TNS3: variants seen among roughly 807,000 people sequenced by gnomAD.
TNS3 encodes the protein tensin-3.
TNS3 carries 45 observed loss-of-function variants against 140.9 expected under a neutral mutation model. The observed-to-expected ratio is 0.32, with a 90% CI of 0.25 to 0.41. The LOEUF is 0.41. Among genes scored for constraint, TNS3 ranks in the 10% least tolerant of loss-of-function variants. The pLI, the probability that TNS3 is intolerant of heterozygous loss-of-function variation, is 1.00. For missense variants in TNS3, 1,716 were observed against 1,906.7 expected, an observed-to-expected ratio of 0.90 and a Z score of 1.86; for synonymous variants, 815 against 788.4, an observed-to-expected ratio of 1.03 and a Z score of -0.56.
intron 1 of TNS3, among the ~76,000 whole-genome samples, chr7:47,544,735 C>G (rs1331039310): frequency 1.3e-5 from 2 of 152,042 alleles, no homozygotes; most frequent in Non-Finnish European, 2.9e-5. Flanking sequence ...GTCCCAGGAC[C>G]CAGGCACGGA....
intron 20 of TNS3, among the ~76,000 whole-genome samples, chr7:47,321,249 T>C (rs1179225223): frequency 2.0e-5 from 3 of 152,256 alleles, no homozygotes; most frequent in Non-Finnish European, 4.4e-5. Context: ...GCCTAATGGG[T>C]AGGCTACTCA....
chr7:47,335,667 C>A (rs183692292), intron 20 of TNS3, among the ~76,000 whole-genome samples: 1 of 152,130 alleles, frequency 6.6e-6, no homozygotes, highest in Admixed American at 6.5e-5. Flanking sequence ...CTCAGGGAAC[C>A]GCCCTTCATA....
At chr7:47,483,036 A>C (rs1322612331) in intron 3 of TNS3, among the ~76,000 whole-genome samples, 3 of 152,222 alleles carry the variant, frequency 2.0e-5, no homozygotes, top group East Asian at 3.8e-4. Flanking sequence ...AGAATGTACA[A>C]CACCAGGAGA....
intron 16 of TNS3, among the ~76,000 whole-genome samples, chr7:47,370,637 A>T (rs1263144421): frequency 2.6e-5 from 4 of 152,230 alleles, no homozygotes; most frequent in African/African-American, 9.6e-5. Flanking sequence ...CCTTACCAAG[A>T]GCCTCCTAAA....
intron 17 of TNS3, among the ~76,000 whole-genome samples, chr7:47,346,659 G>A (rs770695363): frequency 3.3e-5 from 5 of 152,174 alleles, no homozygotes; most frequent in Non-Finnish European, 4.4e-5. Flanking sequence ...TCAGTGCTGG[G>A]AAAGGACAGT....
At chr7:47,413,355 G>A (rs1347167780) in intron 12 of TNS3, among the ~76,000 whole-genome samples, 1 of 145,360 alleles carries the variant, frequency 6.9e-6, no homozygotes, top group Non-Finnish European at 1.5e-5. Context: ...AGGTTCAAGT[G>A]AATTCTCCTG....
rs1784846648 is a variant in TNS3 at position 47,275,820 on chromosome 7, C to T, written c.*2256G>A. The T allele has an allele frequency of 2.2e-6, 1 of 455,902 alleles. No individual in the cohort carries two copies. The highest frequency in any genetic ancestry group is 2.0e-5 in the African/African-American group (1 of 50,066). The allele number at this position is 455,902 out of a possible 1,614,324, so 28.2% of individuals were successfully genotyped here. ...CCAATGAGTTCAAAAAGCACGTTTG[C>T]AGGGCTTCCTGAATGCCGTCGAGGC... On this transcript the variant is annotated 3_prime_UTR_variant, in exon 31 of 31. Coordinates refer to ENST00000311160, the MANE Select transcript of TNS3 (RefSeq NM_022748.12).
chr7:47,338,887 T>C (rs1023439000), intron 20 of TNS3, among the ~76,000 whole-genome samples: 1 of 152,244 alleles, frequency 6.6e-6, no homozygotes, highest in Non-Finnish European at 1.5e-5. Context: ...CAAATGGCAG[T>C]TCTGTTTTCA....
rs535598240 is a variant in TNS3, at chr7:47,346,411, C to T, written c.2282-55G>A. 2.5e-5 allele frequency: 40 copies of T among 1,595,570 alleles called. No individual in the cohort carries two copies. The East Asian group carries it at 2.7e-4, about 11-fold the overall frequency. On this transcript the variant is annotated intron_variant, in intron 17 of 30. Transcript: ENST00000311160. The stretch of plus-strand genomic sequence containing the variant: ...GGCGCTTCCTCAAGGCGGAGTGAGG[C>T]GCCCCTTCCTTAAATCTTGCCTGCT...
Position 47,400,352 on chromosome 7 carries a change from G to A in TNS3, c.919+41C>T. On this transcript the variant is annotated intron_variant, in intron 15 of 30. Transcript: ENST00000311160. ...CGTAGCCATCATGCACCTTTCACCAGTGTCAGCAAGGACCACCCAGTATTC... is the reference window on the plus strand; with the variant it reads ...CGTAGCCATCATGCACCTTTCACCAATGTCAGCAAGGACCACCCAGTATTC... 5 of 1,568,916 alleles carry A rather than the reference G, an allele frequency of 3.2e-6. No individual in the cohort carries two copies. The African/African-American group carries it at 6.7e-5, about 21-fold the overall frequency.
intron 4 of TNS3, among the ~76,000 whole-genome samples, chr7:47,461,021 T>C (rs937496698): frequency 1.3e-5 from 2 of 152,188 alleles, no homozygotes; most frequent in Non-Finnish European, 2.9e-5. Context: ...TCAAAATTTA[T>C]TTTCCAGCTG....
At chr7:47,285,594 T>C (rs1362581660) in intron 27 of TNS3, among the ~76,000 whole-genome samples, 1 of 152,206 alleles carries the variant, frequency 6.6e-6, no homozygotes. Flanking sequence ...TTCTTCTTTA[T>C]AAATTACCCA....
chr7:47,444,565 G>A (rs900135667), intron 4 of TNS3, among the ~76,000 whole-genome samples: 6 of 152,130 alleles, frequency 3.9e-5, no homozygotes, highest in Admixed American at 1.3e-4. Flanking sequence ...GGGCCCTGAC[G>A]GCAGGAGGGA....
chr7:47,322,601 T>C (rs1373106099), intron 20 of TNS3, among the ~76,000 whole-genome samples: 1 of 151,636 alleles, frequency 6.6e-6, no homozygotes, highest in African/African-American at 2.4e-5. Context: ...AAACATACCC[T>C]AGGAATGGAA....
chr7:47,513,350 G>A (rs1336997717), intron 2 of TNS3, among the ~76,000 whole-genome samples: 1 of 152,026 alleles, frequency 6.6e-6, no homozygotes, highest in Admixed American at 6.5e-5. Flanking sequence ...TAAATTTTTT[G>A]TAGAAATGGG....
intron 17 of TNS3, among the ~76,000 whole-genome samples, chr7:47,353,432 C>T (rs970704801): frequency 6.6e-6 from 1 of 152,174 alleles, no homozygotes; most frequent in Non-Finnish European, 1.5e-5. Context: ...AATCTCTCTT[C>T]CAAAGTGACT....
intron 1 of TNS3, among the ~76,000 whole-genome samples, chr7:47,551,595 T>C (rs76984633): frequency 0.02 from 3,088 of 152,296 alleles, 108 homozygotes; most frequent in African/African-American, 0.071. Flanking sequence ...CTTTGAAAAG[T>C]CATTGGACAG....
At chr7:47,441,543 T>C (rs1157386198) in intron 5 of TNS3, among the ~76,000 whole-genome samples, 2 of 152,374 alleles carry the variant, frequency 1.3e-5, no homozygotes, top group South Asian at 4.1e-4. Flanking sequence ...GATTTTGTTT[T>C]CTCTACCTTA....
In TNS3 at chr7:47,389,002, G is replaced by GAAAGAA. The variant is rs1393507648; in HGVS notation, c.1024+7797_1024+7798insTTCTTT. 3.0e-4 allele frequency among the ~76,000 whole-genome samples: 2 copies of GAAAGAA among 6,622 alleles called. 1 individual carries two copies. Among genetic ancestry groups the GAAAGAA allele is most frequent in the African/African-American group, 4.1e-4 (2 of 4,932 alleles). 4.3% of individuals were successfully genotyped at this position (6,622 alleles called of 152,430 possible). The stretch of plus-strand genomic sequence containing the variant: ...AGCAGCAGAGGAAGAAGAAGAAGAA[G>GAAAGAA]GAAGAAGAAGAAGAAGAAGAAGAAG... On this transcript the variant is annotated intron_variant, in intron 16 of 30. Transcript: ENST00000311160.
Sources: allele counts gnomAD v4.1 joint callset (sites outside exome capture counted in the v4.1 genomes callset), GRCh38; gene constraint gnomAD v4.1.1; transcripts MANE v1.5; gene names NCBI Gene and HGNC (gene_info 2026-07-23, HGNC 2026-07-21).